The following PHF8 variants were observed in gnomAD, a reference collection of about 807,000 sequenced individuals.
PHF8 encodes the protein PHD finger protein 8, also known as histone lysine demethylase PHF8.
In PHF8, 9 loss-of-function variants were observed where a neutral mutation model predicts 74.4. That is an observed-to-expected ratio of 0.12 (90% CI 0.07 to 0.21). The LOEUF (loss-of-function observed/expected upper bound fraction) is 0.21. PHF8 is among the 10% of genes least tolerant of loss of function. The pLI, the probability that PHF8 is intolerant of heterozygous loss-of-function variation, is 1.00. For missense variants in PHF8, 478 were observed against 816.6 expected (o/e 0.59, Z 5.05); for synonymous variants, 311 against 316.6 (o/e 0.98, Z 0.19).
At chrX:53,967,471 A>G (rs1309284234) in intron 18 of PHF8, among the ~76,000 whole-genome samples, 1 of 58,655 alleles carries the variant, frequency 1.7e-5, no homozygotes, top group African/African-American at 6.6e-5. Context: ...CCGGCCAGCC[A>G]CCTCATCCGG....
chrX:53,980,561 T>C (rs1250330471), intron 18 of PHF8, among the ~76,000 whole-genome samples: 1 of 111,969 alleles, frequency 8.9e-6, no homozygotes, highest in African/African-American at 3.2e-5. Context: ...GTCTGTGATA[T>C]TTTGTTATGA....
At chrX:53,946,855 GA>G (rs1326891544) in intron 19 of PHF8, among the ~76,000 whole-genome samples, 2 of 111,535 alleles carry the variant, frequency 1.8e-5, no homozygotes, top group African/African-American at 3.3e-5. Flanking sequence ...AATACATACT[GA>G]AATACTTGGG....
chrX:54,016,283 A>C (rs987601609), intron 6 of PHF8, among the ~76,000 whole-genome samples: 3 of 110,624 alleles, frequency 2.7e-5, no homozygotes, highest in Non-Finnish European at 5.7e-5. Flanking sequence ...CACCTGAGGT[A>C]GGGAGTTCGA....
intron 19 of PHF8, among the ~76,000 whole-genome samples, chrX:53,953,465 A>T (rs1557087635): frequency 9.1e-6 from 1 of 109,499 alleles, no homozygotes; most frequent in African/African-American, 3.3e-5. Context: ...ACACGGTGAA[A>T]CCCCAACTCT....
intron 10 of PHF8, among the ~76,000 whole-genome samples, chrX:54,001,129 C>T (rs1557104123): frequency 9.0e-6 from 1 of 111,240 alleles, no homozygotes; most frequent in African/African-American, 3.3e-5. Context: ...AGATTGAGAC[C>T]ATCCTGGCCA....
chrX:54,002,268 G>A lies in PHF8; in HGVS notation c.1035-7C>T. ...CTTCTCAATCTCATAGGCTCTAGAA[G>A]GAGGAAACACCAACAACAAAAACAA... On this transcript the variant is annotated splice_region_variant and splice_polypyrimidine_tract_variant and intron_variant, in intron 9 of 21. Transcript: ENST00000338154. 9.2e-7 allele frequency: 1 copy of A among 1,087,009 alleles called. No homozygotes were observed. The highest frequency in any genetic ancestry group is 1.8e-5 in the South Asian group (1 of 54,108). The allele number at this position is 1,087,009 out of a possible 1,213,427, so 89.6% of individuals were successfully genotyped here. A position where few individuals can be genotyped will look rare whatever the true frequency, so the allele number is the denominator to read the frequency against.
chrX:53,951,489 TACC>T (rs2064922570), intron 19 of PHF8, among the ~76,000 whole-genome samples: 1 of 110,994 alleles, frequency 9.0e-6, no homozygotes, highest in African/African-American at 3.3e-5. Flanking sequence ...CTTGCTCCAT[TACC>T]CAGGCTGGAG....
intron 2 of PHF8, among the ~76,000 whole-genome samples, chrX:54,037,359 C>CA (rs782443882): frequency 1.8e-5 from 2 of 111,450 alleles, no homozygotes; most frequent in South Asian, 7.5e-4. Context: ...GCAATCCTCC[C>CA]ACCTCAGCCT....
chrX:54,025,926 C>G (rs934936143), intron 2 of PHF8, among the ~76,000 whole-genome samples: 7 of 111,569 alleles, frequency 6.3e-5, no homozygotes, highest in Non-Finnish European at 9.4e-5. Flanking sequence ...GATACCCTCA[C>G]TTGCCCCACT....
chrX:53,971,335 C>A (rs1557094481), intron 18 of PHF8, among the ~76,000 whole-genome samples: 1 of 110,914 alleles, frequency 9.0e-6, no homozygotes, highest in African/African-American at 3.3e-5. Context: ...GCAGCTAAAC[C>A]AGTGTTAAGA....
chrX:54,026,270 C>T (rs868942725), intron 2 of PHF8, among the ~76,000 whole-genome samples: 6 of 106,077 alleles, frequency 5.7e-5, no homozygotes, highest in Non-Finnish European at 1.2e-4. Context: ...AGGAGAACAG[C>T]TTGAACCCAG....
At chrX:54,048,285 C>T, upstream of PHF8, among the ~76,000 whole-genome samples, 1 of 110,983 alleles carries the variant, frequency 9.0e-6, no homozygotes, top group Non-Finnish European at 1.9e-5. Flanking sequence ...GAATTAGAGA[C>T]CCTGTGTGTA....
upstream of PHF8, among the ~76,000 whole-genome samples, chrX:54,046,969 G>A (rs997634183): frequency 1.8e-5 from 2 of 112,410 alleles, no homozygotes; most frequent in African/African-American, 3.2e-5. Flanking sequence ...TAATGCAAGG[G>A]AAAGTATGGC....
intron 16 of PHF8, among the ~76,000 whole-genome samples, chrX:53,986,301 G>A (rs2065564961): frequency 1.8e-5 from 2 of 112,598 alleles, no homozygotes; most frequent in Admixed American, 1.9e-4. Context: ...GAGTGCAGTG[G>A]CACGATCTCG....
In PHF8 at chrX:53,965,452, A is replaced by G. The variant is rs1014934173; in HGVS notation, c.2444-2513T>C. 2.7e-5 allele frequency among the ~76,000 whole-genome samples: 3 copies of G among 113,089 alleles called. No homozygotes were observed. The East Asian group carries it at 8.3e-4, about 31-fold the overall frequency. ...TCAGGAGTTCAAGACCAGCCTCGCC[A>G]ACATGGCAAAACCCTGTCTCTACTA... is the stretch of plus-strand genomic sequence containing the variant. On this transcript the variant is annotated intron_variant, in intron 18 of 21. Coordinates refer to ENST00000338154, the MANE Select transcript of PHF8 (RefSeq NM_015107.3).
At chrX:54,013,954 T>C (rs1192255399) in intron 7 of PHF8, among the ~76,000 whole-genome samples, 1 of 111,472 alleles carries the variant, frequency 9.0e-6, no homozygotes, top group Non-Finnish European at 1.9e-5. Flanking sequence ...TCAAACATTT[T>C]TGAATCAATT....
upstream of PHF8, among the ~76,000 whole-genome samples, chrX:54,046,012 G>C (rs1347420944): frequency 1.8e-5 from 2 of 108,250 alleles, no homozygotes; most frequent in East Asian, 5.8e-4. Flanking sequence ...CAGGCTGGGC[G>C]GTCATAGCTC....
intron 10 of PHF8, 137 bp from the exon 11 acceptor site, chrX:54,000,098 G>A: frequency 2.0e-6 from 1 of 510,272 alleles, no homozygotes; most frequent in Non-Finnish European, 3.6e-6. Context: ...TTCTGATAGT[G>A]TTCATTCACT....
At chrX:53,991,015 A>T (rs782576624) in intron 14 of PHF8, among the ~76,000 whole-genome samples, 6 of 111,376 alleles carry the variant, frequency 5.4e-5, no homozygotes, top group Non-Finnish European at 9.4e-5. Context: ...TACGTATATT[A>T]TCTCATTTAA....
Sources: gnomAD v4.1 joint callset for allele counts (sites outside exome capture counted in the v4.1 genomes callset) on GRCh38, gnomAD v4.1.1 for gene constraint, MANE v1.5 for transcripts, NCBI Gene and HGNC (gene_info 2026-07-23, HGNC 2026-07-21) for gene names.